The following GRIN2B variants were observed in gnomAD, a reference collection of about 807,000 sequenced individuals.
The protein encoded by GRIN2B is glutamate ionotropic receptor NMDA type subunit 2B.
A neutral mutation model predicts 114.5 loss-of-function variants in GRIN2B; 5 were observed. The ratio of observed to expected loss-of-function variants is 0.04; its 90% CI spans 0.02 to 0.09. The LOEUF (loss-of-function observed/expected upper bound fraction) is 0.09, where lower values mean the gene tolerates loss of function less well. GRIN2B is among the 10% of genes least tolerant of loss of function. The pLI is 1.00. For missense variants in GRIN2B, 1,108 were observed against 1,943.5 expected, an observed-to-expected ratio of 0.57 and a Z score of 8.08; for synonymous variants, 787 against 745.1, an observed-to-expected ratio of 1.06 and a Z score of -0.92.
At chr12:13,678,556 T>G (rs1950098100) in intron 4 of GRIN2B, among the ~76,000 whole-genome samples, 1 of 152,092 alleles carries the variant, frequency 6.6e-6, no homozygotes, top group South Asian at 2.1e-4. Flanking sequence ...GCTTCGTGTT[T>G]TCTACCATCC....
intron 10 of GRIN2B, among the ~76,000 whole-genome samples, chr12:13,583,695 A>C (rs963000265): frequency 5.9e-5 from 9 of 152,162 alleles, no homozygotes; most frequent in African/African-American, 2.2e-4. Flanking sequence ...CAGATTGGCC[A>C]AGTTTATCCA....
At chr12:13,851,386 C>T (rs1865563199) in intron 3 of GRIN2B, among the ~76,000 whole-genome samples, 1 of 152,130 alleles carries the variant, frequency 6.6e-6, no homozygotes, top group Non-Finnish European at 1.5e-5. Flanking sequence ...TAAGCATTCA[C>T]TCAATGACAT....
Position 13,828,851 on chromosome 12 carries a change from C to A in GRIN2B, c.411+36947G>T, listed in dbSNP as rs1865099276. On this transcript the variant is annotated intron_variant, in intron 3 of 13. Transcript: ENST00000609686. ...AGATCATATAGTTCCTGCTTATAAA[C>A]CTTCAGTGGCTTCATATTACACATG... 2.6e-5 allele frequency among the ~76,000 whole-genome samples: 4 copies of A among 152,112 alleles called. No homozygotes were observed. The South Asian group carries it at 8.3e-4, about 32-fold the overall frequency.
chr12:13,729,817 A>G (rs932341391), intron 4 of GRIN2B, among the ~76,000 whole-genome samples: 2 of 105,016 alleles, frequency 1.9e-5, no homozygotes, highest in Non-Finnish European at 3.6e-5. Context: ...AGGAAGCCAT[A>G]TGGGGAGGGG....
At chr12:13,606,799 G>A (rs1949255552) in intron 10 of GRIN2B, among the ~76,000 whole-genome samples, 1 of 152,056 alleles carries the variant, frequency 6.6e-6, no homozygotes, top group African/African-American at 2.4e-5. Flanking sequence ...GGAACAATAA[G>A]AGAGGGGTTT....
chr12:13,806,212 T>C (rs1210687285), intron 3 of GRIN2B, among the ~76,000 whole-genome samples: 3 of 152,148 alleles, frequency 2.0e-5, no homozygotes, highest in Non-Finnish European at 4.4e-5. Context: ...TTTTCTGATA[T>C]ACTGGTTGCA....
chr12:13,819,825 G>A (rs1313071706), intron 3 of GRIN2B, among the ~76,000 whole-genome samples: 1 of 152,156 alleles, frequency 6.6e-6, no homozygotes, highest in Non-Finnish European at 1.5e-5. Flanking sequence ...GCAATTAAGA[G>A]ACTGTGGACT....
intron 5 of GRIN2B, chr12:13,670,295 G>T (rs900819426): frequency 6.6e-6 from 1 of 152,130 alleles, no homozygotes; most frequent in African/African-American, 2.4e-5. Flanking sequence ...TCTGGTAGGT[G>T]GAGGCAGGGA....
chr12:13,892,306 G>A (rs917820595), intron 2 of GRIN2B, among the ~76,000 whole-genome samples: 1 of 152,156 alleles, frequency 6.6e-6, no homozygotes, highest in African/African-American at 2.4e-5. Flanking sequence ...CCCAATGGCC[G>A]AGTTCTAATT....
chr12:13,923,884 T>C (rs1866868025), intron 2 of GRIN2B, among the ~76,000 whole-genome samples: 1 of 152,058 alleles, frequency 6.6e-6, no homozygotes, highest in Non-Finnish European at 1.5e-5. Flanking sequence ...CCCTACACTG[T>C]CTCCATGACA....
At chr12:13,568,836 G>A (rs1353177093) in intron 12 of GRIN2B, among the ~76,000 whole-genome samples, 1 of 152,226 alleles carries the variant, frequency 6.6e-6, no homozygotes, top group Non-Finnish European at 1.5e-5. Context: ...AACAGAAGAT[G>A]AGATTTTTTT....
At chr12:13,751,198 G>A (rs562901039) in intron 4 of GRIN2B, among the ~76,000 whole-genome samples, 1 of 152,326 alleles carries the variant, frequency 6.6e-6, no homozygotes, top group South Asian at 2.1e-4. Flanking sequence ...AGAAAAGCAT[G>A]AGAGAATTTT....
chr12:13,822,646 G>A (rs1864960671), intron 3 of GRIN2B, among the ~76,000 whole-genome samples: 1 of 151,950 alleles, frequency 6.6e-6, no homozygotes, highest in Admixed American at 6.6e-5. Context: ...AAAACACAGT[G>A]ATAAAAAGTT....
chr12:13,932,996 T>TGCATGTGC (rs1565591660), intron 2 of GRIN2B, among the ~76,000 whole-genome samples: 4 of 131,878 alleles, frequency 3.0e-5, no homozygotes, highest in African/African-American at 1.3e-4. Context: ...TGCGTGTGCG[T>TGCATGTGC]GTGTGTGTGT....
intron 3 of GRIN2B, among the ~76,000 whole-genome samples, chr12:13,797,953 T>C (rs1864444630): frequency 6.6e-6 from 1 of 152,194 alleles, no homozygotes; most frequent in African/African-American, 2.4e-5. Context: ...CTACCTATAA[T>C]CACTTGCAGA....
intron 2 of GRIN2B, among the ~76,000 whole-genome samples, chr12:13,923,114 G>A (rs192336644): frequency 6.6e-6 from 1 of 151,684 alleles, no homozygotes; most frequent in African/African-American, 2.4e-5. Context: ...ATTAGGCAAT[G>A]TTATTTTATA....
At chr12:13,694,694 T>C (rs1387144466) in intron 4 of GRIN2B, among the ~76,000 whole-genome samples, 1 of 118,218 alleles carries the variant, frequency 8.5e-6, no homozygotes, top group Admixed American at 8.5e-5. Flanking sequence ...TATATATATA[T>C]ATATATATAA....
chr12:13,745,144 G>C (rs776438025), intron 4 of GRIN2B, among the ~76,000 whole-genome samples: 1 of 152,018 alleles, frequency 6.6e-6, no homozygotes, highest in African/African-American at 2.4e-5. Context: ...CTCTGCTCTC[G>C]GGAAGCTCAT....
intron 3 of GRIN2B, among the ~76,000 whole-genome samples, chr12:13,825,392 ATT>A (rs1865013402): frequency 6.6e-6 from 1 of 150,546 alleles, no homozygotes; most frequent in Non-Finnish European, 1.5e-5. Flanking sequence ...AAGAATGTAT[ATT>A]CTCTCTCCTG....
Sources: allele counts gnomAD v4.1 joint callset (sites outside exome capture counted in the v4.1 genomes callset), GRCh38; gene constraint gnomAD v4.1.1; transcripts MANE v1.5; gene names NCBI Gene and HGNC (gene_info 2026-07-23, HGNC 2026-07-21).